CPAMD8: variants seen among roughly 807,000 people sequenced by gnomAD.
CPAMD8 encodes C3 and PZP-like alpha-2-macroglobulin domain-containing protein 8.
CPAMD8 carries 146 observed loss-of-function variants against 224.7 expected under a neutral mutation model. The ratio of observed to expected loss-of-function variants is 0.65; its 90% CI spans 0.57 to 0.75. The LOEUF (loss-of-function observed/expected upper bound fraction) is 0.75. CPAMD8 is among the 30% of genes least tolerant of loss of function. The pLI is 0.00. For synonymous variants in CPAMD8, 966 were observed against 1,044.6 expected (o/e 0.92, Z 1.45); for missense variants, 2,301 against 2,537.5 (o/e 0.91, Z 2.00).
intron 22 of CPAMD8, among the ~76,000 whole-genome samples, chr19:16,939,406 G>C (rs796104239): frequency 1.7e-4 from 26 of 152,020 alleles, no homozygotes; most frequent in African/African-American, 6.3e-4. Context: ...ATGGGATTTT[G>C]CCATGTTGGC....
chr19:17,015,009 A>G (rs1473464055), intron 3 of CPAMD8, among the ~76,000 whole-genome samples: 1 of 152,238 alleles, frequency 6.6e-6, no homozygotes, highest in Admixed American at 6.5e-5. Flanking sequence ...TGGGAGGCTG[A>G]GGTGGGCAGA....
chr19:16,940,361 C>T (rs7252871), intron 22 of CPAMD8, among the ~76,000 whole-genome samples: 279 of 152,162 alleles, frequency 1.8e-3, no homozygotes, highest in African/African-American at 6.3e-3. Context: ...GTAGGGGGTG[C>T]GGATTTCTGT....
chr19:16,958,971 G>A lies in CPAMD8; in HGVS notation c.2214-1056C>T, dbSNP rs193116970. Among the ~76,000 whole-genome samples the A allele has an allele frequency of 4.5e-4, 68 of 151,468 alleles. 1 individual carries two copies. The highest frequency in any genetic ancestry group is 3.7e-3 in the South Asian group (18 of 4,802). On this transcript the variant is annotated intron_variant, in intron 18 of 41. Coordinates refer to ENST00000443236, the MANE Select transcript of CPAMD8 (RefSeq NM_015692.5). ...CCTGCCACTACACCCAGCTAATTTT[G>A]TATTTTTAGTAGAGACGCAGTTTCA...
chr19:16,909,493 G>A (rs573492242), intron 29 of CPAMD8, among the ~76,000 whole-genome samples: 10 of 152,186 alleles, frequency 6.6e-5, no homozygotes, highest in East Asian at 1.9e-4. Context: ...GCAATGAGCC[G>A]AGATCGCGCC....
At chr19:17,016,820 G>C (rs1021391683) in intron 3 of CPAMD8, among the ~76,000 whole-genome samples, 1 of 151,724 alleles carries the variant, frequency 6.6e-6, no homozygotes, top group African/African-American at 2.4e-5. Context: ...GAGAGAGAGA[G>C]AGGAAGGAAG....
chr19:16,918,844 TC>T (rs1197042312), intron 27 of CPAMD8, among the ~76,000 whole-genome samples: 1 of 150,344 alleles, frequency 6.7e-6, no homozygotes, highest in African/African-American at 2.4e-5. Flanking sequence ...TACTTGGGCA[TC>T]CCAAATGCAA....
chr19:16,978,121 G>A (rs543309132), intron 14 of CPAMD8, among the ~76,000 whole-genome samples: 3 of 152,264 alleles, frequency 2.0e-5, no homozygotes, highest in African/African-American at 7.2e-5. Context: ...TTCCAGAATG[G>A]GCCATCTGTC....
chr19:17,013,965 TTC>T (rs2056738161), intron 3 of CPAMD8, among the ~76,000 whole-genome samples: 1 of 136,684 alleles, frequency 7.3e-6, no homozygotes, highest in Admixed American at 8.4e-5. Context: ...CCTTTCTTTC[TTC>T]CTTCCTTCCA....
At chr19:16,927,940 T>C in intron 25 of CPAMD8, 69 bp downstream of exon 25, 1 of 1,167,458 alleles carries the variant, frequency 8.6e-7, no homozygotes, top group Non-Finnish European at 1.3e-6. Context: ...AGCTTGAGAC[T>C]AAGCCTGGAG....
At chr19:16,999,600 A>G (rs1054674610) in intron 10 of CPAMD8, among the ~76,000 whole-genome samples, 1 of 151,600 alleles carries the variant, frequency 6.6e-6, no homozygotes, top group Non-Finnish European at 1.5e-5. Flanking sequence ...AAAAAAAAAA[A>G]GAAAAGAAAA....
chr19:16,938,436 A>T lies in CPAMD8; in HGVS notation c.2804T>A (p.Val935Asp), dbSNP rs1387080885. The T allele has an allele frequency of 6.3e-7, 1 of 1,575,050 alleles. No homozygotes were observed. The highest frequency in any genetic ancestry group is 8.6e-7 in the Non-Finnish European group (1 of 1,161,900). Residue 935 changes from valine (V) to aspartate (D), a missense_variant, in exon 23 of 42, where the codon GTC becomes GAC. Transcript: ENST00000443236. ...TGCGCTGTAGGTGTACGCCCGGGGG[A>T]CTCCTTCCGCCTGAAACAAAGAAAC... ...RRSVMVEAEGVPRAYTYSAFF... is the reference protein window; with the variant it reads ...RRSVMVEAEGDPRAYTYSAFF...
rs116896549 is a variant in CPAMD8, at chr19:16,934,065, A to G, written c.2845+4330T>C. On this transcript the variant is annotated intron_variant, in intron 23 of 41. Transcript: ENST00000443236. Reference sequence around the variant, plus strand: ...ATCTCAAAATTATTATCCTGAAAGAAACCAGACAAAAAGAATACATACGAC... The same window carrying G: ...ATCTCAAAATTATTATCCTGAAAGAGACCAGACAAAAAGAATACATACGAC... Among the ~76,000 whole-genome samples the G allele has an allele frequency of 4.9e-3, 744 of 152,306 alleles. 33 individuals carry two copies. In the East Asian group the frequency reaches 0.098, roughly 20 times the overall value.
chr19:17,023,072 T>C (rs1043241396), intron 1 of CPAMD8, among the ~76,000 whole-genome samples: 1 of 152,084 alleles, frequency 6.6e-6, no homozygotes, highest in South Asian at 2.1e-4. Flanking sequence ...TTTGCAACAT[T>C]CATTTTAAGA....
chr19:16,987,785 G>A (rs897936852), intron 13 of CPAMD8, among the ~76,000 whole-genome samples: 2 of 151,726 alleles, frequency 1.3e-5, no homozygotes, highest in Non-Finnish European at 2.9e-5. Context: ...TGAGTAATTG[G>A]GACTACAGGC....
chr19:17,016,412 G>A (rs1404108802), intron 3 of CPAMD8, among the ~76,000 whole-genome samples: 4 of 152,052 alleles, frequency 2.6e-5, no homozygotes, highest in African/African-American at 9.7e-5. Context: ...TGGTGGCCAG[G>A]GACTGCACAT....
chr19:16,919,287 T>C (rs996301349), intron 27 of CPAMD8, among the ~76,000 whole-genome samples: 5 of 152,128 alleles, frequency 3.3e-5, no homozygotes, highest in Non-Finnish European at 5.9e-5. Flanking sequence ...AAAGGCGCTA[T>C]GGCATCCTTC....
intron 22 of CPAMD8, among the ~76,000 whole-genome samples, chr19:16,940,269 A>G (rs1035127500): frequency 1.3e-5 from 2 of 152,314 alleles, no homozygotes; most frequent in African/African-American, 4.8e-5. Flanking sequence ...CCATAAGCGC[A>G]TGAGCCAGTA....
At chr19:16,907,269 C>T (rs2052557442) in intron 29 of CPAMD8, 152 bp from the exon 30 acceptor site, 7 of 804,950 alleles carry the variant, frequency 8.7e-6, no homozygotes, top group Middle Eastern at 4.2e-4. Flanking sequence ...CCTGCAGACC[C>T]AATTTTCAAA....
chr19:16,982,437 A>G (rs1206777107), intron 13 of CPAMD8, among the ~76,000 whole-genome samples: 1 of 152,118 alleles, frequency 6.6e-6, no homozygotes, highest in Non-Finnish European at 1.5e-5. Context: ...TATAGTAAGA[A>G]AAATAAATGT....
Sources: allele counts gnomAD v4.1 joint callset (sites outside exome capture counted in the v4.1 genomes callset), GRCh38; gene constraint gnomAD v4.1.1; transcripts MANE v1.5; gene names NCBI Gene and HGNC (gene_info 2026-07-23, HGNC 2026-07-21).